The following ZC3H13 variants were observed in gnomAD, a reference collection of about 807,000 sequenced individuals.
The protein encoded by ZC3H13 is zinc finger CCCH-type containing 13.
Under a neutral mutation model 204.1 loss-of-function variants are expected in ZC3H13, and 64 were observed. The ratio of observed to expected loss-of-function variants is 0.31; its 90% CI spans 0.26 to 0.39. The LOEUF (loss-of-function observed/expected upper bound fraction) is 0.39. ZC3H13 is among the 10% of genes least tolerant of loss of function. The probability of loss-of-function intolerance (pLI) is 1.00; values close to 1 mark genes in which losing one functional copy is unlikely to be tolerated. For missense variants in ZC3H13, 1,833 were observed against 2,082.7 expected (o/e 0.88, Z 2.33); for synonymous variants, 667 against 693.7 (o/e 0.96, Z 0.60).
intron 10 of ZC3H13, among the ~76,000 whole-genome samples, chr13:45,982,606 T>C (rs546438737): frequency 1.3e-5 from 2 of 152,176 alleles, no homozygotes; most frequent in Admixed American, 1.3e-4. Context: ...AAATACAGGC[T>C]GAATGCCCTT....
chr13:46,038,915 G>C lies in ZC3H13; in HGVS notation c.339+3249C>G, dbSNP rs956824750. Among the ~76,000 whole-genome samples, 9 of 152,210 alleles carry C rather than the reference G, an allele frequency of 5.9e-5. No individual in the cohort carries two copies. The South Asian group carries it at 1.9e-3, about 32-fold the overall frequency. On this transcript the variant is annotated intron_variant, in intron 4 of 18. Transcript: ENST00000679008. ...CACGCACCTGTAATCTCAGCTACTT[G>C]GGAGGCTGAGGCTGGAGAATCGCTT... is the stretch of plus-strand genomic sequence containing the variant.
chr13:45,999,504 C>A lies in ZC3H13; in HGVS notation c.944+3635G>T, dbSNP rs1395459313. Among the ~76,000 whole-genome samples the A allele has an allele frequency of 3.9e-5, 6 of 152,338 alleles. No individual in the cohort carries two copies. In the East Asian group the frequency reaches 1.2e-3, roughly 29 times the overall value. On this transcript the variant is annotated intron_variant, in intron 8 of 18. Transcript: ENST00000679008. ...CATATGATGCAACTCCTCATCCGTT[C>A]AAGTCTGATCTGAGATTGCAGCAAT... is the stretch of plus-strand genomic sequence containing the variant.
At chr13:45,988,086 A>C (rs772068178) in intron 9 of ZC3H13, among the ~76,000 whole-genome samples, 4 of 152,008 alleles carry the variant, frequency 2.6e-5, no homozygotes, top group Non-Finnish European at 5.9e-5. Flanking sequence ...TTATCAAAAC[A>C]CTTCTGATGC....
chr13:45,979,879 G>C lies in ZC3H13; in HGVS notation c.1846C>G (p.Gln616Glu), dbSNP rs1408662103. The C allele has an allele frequency of 1.2e-6, 2 of 1,608,996 alleles. No individual in the cohort carries two copies. The highest frequency in any genetic ancestry group is 2.2e-5 in the South Asian group (2 of 90,706). Reference sequence around the variant, plus strand: ...CTCTCAAAGGAAGAATCCCTTGCTTGATCTCTGTTGTCTCTTTCAGGATAT... The same window carrying C: ...CTCTCAAAGGAAGAATCCCTTGCTTCATCTCTGTTGTCTCTTTCAGGATAT... ...DRYPERDNRD[Q>E]ARDSSFERRH... is the part of the protein sequence containing the mutation. The change falls in exon 11 of 19, where the codon CAA becomes GAA. Residue 616 changes from glutamine (Q) to glutamate (E), a missense_variant. By Grantham distance (29) the Gln-to-Glu change is conservative. Transcript: ENST00000679008.
intron 4 of ZC3H13, among the ~76,000 whole-genome samples, chr13:46,030,860 A>G (rs2042852759): frequency 6.6e-6 from 1 of 152,248 alleles, no homozygotes; most frequent in Non-Finnish European, 1.5e-5. Flanking sequence ...ATATCTGTCA[A>G]GATGTCAGTT....
rs1032381791 is a variant in ZC3H13 at position 46,010,626 on chromosome 13, T to C, written c.589-121A>G. On this transcript the variant is annotated intron_variant, in intron 6 of 18. Coordinates refer to ENST00000679008, the MANE Select transcript of ZC3H13 (RefSeq NM_001330564.2). ...AATTAAATATTATTGCCGGGTGCAGTGGTTCACACCTGTAATCCCAGTTTC... is the reference window on the plus strand; with the variant it reads ...AATTAAATATTATTGCCGGGTGCAGCGGTTCACACCTGTAATCCCAGTTTC... 11 of 1,053,418 alleles carry C rather than the reference T, an allele frequency of 1.0e-5. No homozygotes were observed. The Admixed American group carries it at 1.2e-4, about 12-fold the overall frequency. 65.3% of individuals were successfully genotyped at this position (1,053,418 alleles called of 1,614,324 possible).
intron 1 of ZC3H13, among the ~76,000 whole-genome samples, chr13:46,046,581 T>C (rs1331696401): frequency 2.0e-5 from 3 of 150,136 alleles, no homozygotes; most frequent in Non-Finnish European, 4.4e-5. Context: ...GGCAGGAGAA[T>C]AGCATGAACC....
chr13:45,962,928 C>T, intron 17 of ZC3H13: 1 of 985,212 alleles, frequency 1.0e-6, no homozygotes, highest in South Asian at 4.7e-5. Flanking sequence ...AAACCAAAAC[C>T]AAACAACCCC....
At chr13:45,977,729 T>A (rs1407579791) in intron 11 of ZC3H13, among the ~76,000 whole-genome samples, 1 of 120,420 alleles carries the variant, frequency 8.3e-6, no homozygotes, top group African/African-American at 3.4e-5. Context: ...CTTAGATGCC[T>A]ATGTCATCAA....
chr13:45,980,333 T>C (rs1953455391), intron 10 of ZC3H13, among the ~76,000 whole-genome samples: 2 of 151,944 alleles, frequency 1.3e-5, no homozygotes, highest in South Asian at 4.2e-4. Context: ...CACAGATATA[T>C]AAAAATAATG....
rs113427729 is a variant in ZC3H13, at chr13:46,018,294, C to T, written c.448+2155G>A. Reference sequence around the variant, plus strand: ...TTTAGTGGAGAGTTGGGTCAGAAGACTGAATAATAAGTATCAGGTGAAACA... The same window carrying T: ...TTTAGTGGAGAGTTGGGTCAGAAGATTGAATAATAAGTATCAGGTGAAACA... On this transcript the variant is annotated intron_variant, in intron 5 of 18. Transcript: ENST00000679008. Among the ~76,000 whole-genome samples the T allele has an allele frequency of 8.1e-3, 1,235 of 152,098 alleles. 7 individuals carry two copies. Among genetic ancestry groups the T allele is most frequent in the Middle Eastern group, 0.02 (6 of 294 alleles).
At chr13:46,042,455 T>C (rs1390586657) in intron 3 of ZC3H13, among the ~76,000 whole-genome samples, 180 bp from the exon 4 acceptor site, 2 of 152,132 alleles carry the variant, frequency 1.3e-5, no homozygotes, top group Non-Finnish European at 2.9e-5. Context: ...TAAATATTAA[T>C]ATGCAAAACA....
intron 6 of ZC3H13, 45 bp downstream of exon 6, chr13:46,011,370 T>A (rs755598931): frequency 3.3e-5 from 51 of 1,536,848 alleles, no homozygotes; most frequent in Non-Finnish European, 4.3e-5. Context: ...TCAATACAAA[T>A]GCTGCTATTA....
chr13:45,995,598 T>C (rs1430525023), intron 8 of ZC3H13, among the ~76,000 whole-genome samples: 3 of 152,214 alleles, frequency 2.0e-5, no homozygotes, highest in Admixed American at 2.0e-4. Flanking sequence ...TTATTCTACT[T>C]GTACTAACAA....
intron 9 of ZC3H13, 21 bp from the exon 10 acceptor site, chr13:45,985,782 T>C (rs544136225): frequency 1.3e-5 from 20 of 1,557,532 alleles, no homozygotes; most frequent in Middle Eastern, 3.5e-4. Context: ...ATTTTGGAAA[T>C]TGACTGTAAT....
Position 45,959,554 on chromosome 13 carries a change from C to T in ZC3H13, c.4768G>A (p.Gly1590Ser), listed in dbSNP as rs1252516706. The change falls in exon 18 of 19, where the codon GGC (glycine) becomes AGC (serine). Residue 1590 changes from glycine (G) to serine (S), a missense_variant. Physicochemically the swap from Gly to Ser is moderately conservative, Grantham distance 56. Coordinates refer to ENST00000679008, the MANE Select transcript of ZC3H13 (RefSeq NM_001330564.2). ...AAGCACAACGCCTTACAACATGGGC[C>T]AAGATTACTAAGAAGACTTGCTCTT... Reference protein sequence around the residue: ...EERASLLSNLGPCCKALCFRR... With the variant: ...EERASLLSNLSPCCKALCFRR... 12 of 1,548,838 alleles carry T rather than the reference C, an allele frequency of 7.7e-6. No homozygotes were observed. Among genetic ancestry groups the T allele is most frequent in the Non-Finnish European group, 9.6e-6 (11 of 1,146,362 alleles).
intron 8 of ZC3H13, among the ~76,000 whole-genome samples, chr13:46,000,555 C>G (rs1250020613): frequency 1.3e-5 from 2 of 152,184 alleles, no homozygotes; most frequent in Non-Finnish European, 2.9e-5. Context: ...GGACCTTGCT[C>G]CAGATTAGAC....
chr13:45,996,015 T>C (rs1269971003), intron 8 of ZC3H13, among the ~76,000 whole-genome samples: 2 of 152,212 alleles, frequency 1.3e-5, no homozygotes, highest in African/African-American at 2.4e-5. Context: ...ATATCACCTG[T>C]CAGCAGAATC....
At chr13:46,017,334 GT>G (rs1183617049) in intron 5 of ZC3H13, among the ~76,000 whole-genome samples, 8 of 152,192 alleles carry the variant, frequency 5.3e-5, no homozygotes, top group Non-Finnish European at 8.8e-5. Context: ...TTTGCCTGGT[GT>G]ACTCATTCTC....
Sources: allele counts gnomAD v4.1 joint callset (sites outside exome capture counted in the v4.1 genomes callset), GRCh38; gene constraint gnomAD v4.1.1; transcripts MANE v1.5; gene names NCBI Gene and HGNC (gene_info 2026-07-23, HGNC 2026-07-21).